The following ELAVL4 variants were observed in gnomAD, a reference collection of about 807,000 sequenced individuals.
The protein encoded by ELAVL4 is ELAV like RNA binding protein 4.
A neutral mutation model predicts 35.6 loss-of-function variants in ELAVL4; 1 was observed. The ratio of observed to expected loss-of-function variants is 0.03; its 90% confidence interval spans 0.01 to 0.13. The LOEUF (loss-of-function observed/expected upper bound fraction) is 0.13, where lower values mean the gene tolerates loss of function less well. Ranked by LOEUF, ELAVL4 falls within the 10% of genes least tolerant of loss-of-function variation. The pLI is 1.00. For synonymous variants in ELAVL4, 156 were observed against 171.0 expected, an observed-to-expected ratio of 0.91 and a Z score of 0.69; for missense variants, 267 against 464.9, an observed-to-expected ratio of 0.57 and a Z score of 3.91.
intron 1 of ELAVL4, among the ~76,000 whole-genome samples, chr1:50,130,537 T>C (rs1479540135): frequency 6.6e-6 from 1 of 152,190 alleles, no homozygotes; most frequent in Non-Finnish European, 1.5e-5. Flanking sequence ...TGCCTAAATA[T>C]TTTCCTGTGT....
At chr1:50,171,958 G>T (rs1679084822) in intron 2 of ELAVL4, among the ~76,000 whole-genome samples, 1 of 152,140 alleles carries the variant, frequency 6.6e-6, no homozygotes, top group South Asian at 2.1e-4. Context: ...CTGAACTAGG[G>T]GTTCTAACTT....
upstream of ELAVL4, among the ~76,000 whole-genome samples, chr1:50,101,298 C>A (rs1015228111): frequency 2.6e-5 from 4 of 152,058 alleles, no homozygotes; most frequent in African/African-American, 7.2e-5. Flanking sequence ...AGAGGAAAAA[C>A]GGGTAGGGTT....
chr1:50,178,582 C>A (rs1369957028), intron 3 of ELAVL4, among the ~76,000 whole-genome samples: 1 of 152,172 alleles, frequency 6.6e-6, no homozygotes, highest in East Asian at 1.9e-4. Flanking sequence ...GATTCAGGCT[C>A]CTCAGTCTAG....
At chr1:50,081,138 C>T (rs4926547) in intron 1 of ELAVL4, among the ~76,000 whole-genome samples, 92,290 of 151,966 alleles carry the variant, frequency 0.61, 28,682 homozygotes, top group Non-Finnish European at 0.67. Flanking sequence ...ATGGCAAGTC[C>T]ATAAAATCAT....
chr1:50,049,951 G>A (rs560557614), intron 1 of ELAVL4, among the ~76,000 whole-genome samples: 1 of 152,250 alleles, frequency 6.6e-6, no homozygotes, highest in East Asian at 1.9e-4. Context: ...AGAGCTGGTG[G>A]CCTTACTAAT....
chr1:50,179,597 T>C (rs1025400228), intron 3 of ELAVL4: 1 of 152,214 alleles, frequency 6.6e-6, no homozygotes, highest in African/African-American at 2.4e-5. Flanking sequence ...GAGATCTATC[T>C]CTTTGCTCTG....
intron 1 of ELAVL4, among the ~76,000 whole-genome samples, chr1:50,113,702 C>T (rs184458244): frequency 1.3e-5 from 2 of 152,146 alleles, no homozygotes; most frequent in East Asian, 3.9e-4. Flanking sequence ...AGTCGATGGG[C>T]CATGTTGTAC....
intron 2 of ELAVL4, among the ~76,000 whole-genome samples, chr1:50,151,414 GT>G (rs1024071126): frequency 6.6e-6 from 1 of 152,126 alleles, no homozygotes; most frequent in African/African-American, 2.4e-5. Context: ...ACTTGGAGTG[GT>G]TTTTTCACTT....
upstream of ELAVL4, chr1:50,103,975 G>T (rs1327881617): frequency 2.1e-5 from 34 of 1,614,004 alleles, no homozygotes; most frequent in Non-Finnish European, 2.8e-5. Flanking sequence ...GACTGAAAAT[G>T]AGCCGGCTAC....
intron 1 of ELAVL4, among the ~76,000 whole-genome samples, chr1:50,093,548 A>G (rs1665583475): frequency 6.6e-6 from 1 of 152,226 alleles, no homozygotes; most frequent in Non-Finnish European, 1.5e-5. Context: ...CTGGTTTGCC[A>G]TTACTGGTTT....
intron 1 of ELAVL4, among the ~76,000 whole-genome samples, chr1:50,096,888 G>A (rs1219366817): frequency 1.3e-5 from 2 of 152,104 alleles, no homozygotes; most frequent in Non-Finnish European, 2.9e-5. Flanking sequence ...TGGTTTTAAT[G>A]ATTTTAACCA....
At chr1:50,197,263 A>G (rs1311733378) in intron 5 of ELAVL4, among the ~76,000 whole-genome samples, 166 bp from the exon 6 acceptor site, 1 of 152,222 alleles carries the variant, frequency 6.6e-6, no homozygotes, top group African/African-American at 2.4e-5. Context: ...AATTACTTGC[A>G]GTTAGAGACA....
intron 3 of ELAVL4, among the ~76,000 whole-genome samples, chr1:50,183,404 A>G (rs1014814605): frequency 6.6e-6 from 1 of 152,106 alleles, no homozygotes; most frequent in Non-Finnish European, 1.5e-5. Context: ...GTGAGAGAAT[A>G]AGAAAGACAC....
At chr1:50,195,896 C>G (rs1644025890) in intron 5 of ELAVL4, 110 bp downstream of exon 5, 1 of 1,259,352 alleles carries the variant, frequency 7.9e-7, no homozygotes, top group Non-Finnish European at 1.1e-6. Context: ...GCTTCCACCC[C>G]CAGGAATCAC....
rs964768984 is a variant in ELAVL4, at chr1:50,164,669, C to G, written c.251-12420C>G. ...GCTTTGGATACCTCTAGAGTCTTCT[C>G]TCCTTCAAACTAAATGCCCACAGGT... On this transcript the variant is annotated intron_variant, in intron 2 of 6. Transcript: ENST00000371824. Among the ~76,000 whole-genome samples, 6 of 152,272 alleles carry G rather than the reference C, an allele frequency of 3.9e-5. No homozygotes were observed. The South Asian group carries it at 8.3e-4, about 21-fold the overall frequency.
chr1:50,089,811 G>A (rs918086757), intron 1 of ELAVL4, among the ~76,000 whole-genome samples: 11 of 152,104 alleles, frequency 7.2e-5, no homozygotes, highest in Non-Finnish European at 1.6e-4. Context: ...TGTTTTTAGC[G>A]TGGGCTTGGG....
chr1:50,072,852 A>G (rs1445319550), intron 1 of ELAVL4, among the ~76,000 whole-genome samples: 2 of 152,146 alleles, frequency 1.3e-5, no homozygotes, highest in African/African-American at 4.8e-5. Context: ...TAACTTTCCC[A>G]AGGTACCCCA....
chr1:50,067,711 A>T (rs1182486742), intron 1 of ELAVL4, among the ~76,000 whole-genome samples: 1 of 152,210 alleles, frequency 6.6e-6, no homozygotes, highest in African/African-American at 2.4e-5. Flanking sequence ...GTCCATTCTC[A>T]TGCTGCCATA....
chr1:50,140,383 C>A (rs1672619798), intron 1 of ELAVL4, among the ~76,000 whole-genome samples: 1 of 152,242 alleles, frequency 6.6e-6, no homozygotes, highest in African/African-American at 2.4e-5. Flanking sequence ...CAACACACAT[C>A]TTTTCTACTC....
Sources: gnomAD v4.1 joint callset for allele counts (sites outside exome capture counted in the v4.1 genomes callset) on GRCh38, gnomAD v4.1.1 for gene constraint, MANE v1.5 for transcripts, NCBI Gene and HGNC (gene_info 2026-07-23, HGNC 2026-07-21) for gene names.